STXBP5L: variants seen among roughly 807,000 people sequenced by gnomAD.
STXBP5L encodes syntaxin binding protein 5L, also known as syntaxin-binding protein 5-like.
Under a neutral mutation model 144.5 loss-of-function variants are expected in STXBP5L, and 65 were observed. The ratio of observed to expected loss-of-function variants is 0.45; its 90% CI spans 0.37 to 0.55. The LOEUF (loss-of-function observed/expected upper bound fraction) is 0.55, where lower values mean the gene tolerates loss of function less well. STXBP5L is among the 20% of genes least tolerant of loss of function. The pLI is 0.00. For synonymous variants in STXBP5L, 505 were observed against 469.6 expected (o/e 1.08, Z -0.97); for missense variants, 1,298 against 1,405.5 (o/e 0.92, Z 1.22).
At chr3:121,348,828 T>A (rs1274821330) in intron 20 of STXBP5L, among the ~76,000 whole-genome samples, 2 of 152,046 alleles carry the variant, frequency 1.3e-5, no homozygotes, top group African/African-American at 4.8e-5. Context: ...ATTTATTGCA[T>A]CTATTTGATT....
At chr3:121,201,220 T>A (rs959769516) in intron 9 of STXBP5L, among the ~76,000 whole-genome samples, 1 of 152,246 alleles carries the variant, frequency 6.6e-6, no homozygotes, top group South Asian at 2.1e-4. Context: ...CATATATGTT[T>A]AGGATAGTTA....
chr3:120,937,956 G>T (rs531035496), intron 2 of STXBP5L, among the ~76,000 whole-genome samples: 88 of 152,142 alleles, frequency 5.8e-4, no homozygotes, highest in Middle Eastern at 6.9e-3. Flanking sequence ...TTTTAAAATT[G>T]AGAAGTGTTT....
At chr3:120,914,248 G>C (rs543930410) in intron 2 of STXBP5L, among the ~76,000 whole-genome samples, 13 of 151,928 alleles carry the variant, frequency 8.6e-5, no homozygotes, top group Non-Finnish European at 1.9e-4. Flanking sequence ...ACCAAAAAAA[G>C]AGTAAAATAA....
rs145602553 is a variant in STXBP5L at position 121,157,707 on chromosome 3, G to A, written c.877+80G>A. 3.7e-5 allele frequency: 56 copies of A among 1,519,248 alleles called. No homozygotes were observed. The African/African-American group carries it at 3.8e-4, about 10-fold the overall frequency. The allele number at this position is 1,519,248 out of a possible 1,614,324, so 94.1% of individuals were successfully genotyped here. A position where few individuals can be genotyped will look rare whatever the true frequency, so the allele number is the denominator to read the frequency against. On this transcript the variant is annotated intron_variant, in intron 9 of 26. Transcript: ENST00000471454. ...GAAGTAAGAGAGATGGTATTAATGC[G>A]TTTGGTAGAAAAAAGTAATAGGACA... is the stretch of plus-strand genomic sequence containing the variant.
At chr3:121,275,939 C>T (rs2050868454) in intron 18 of STXBP5L, among the ~76,000 whole-genome samples, 1 of 151,918 alleles carries the variant, frequency 6.6e-6, no homozygotes, top group African/African-American at 2.4e-5. Context: ...TTGGGTCTTA[C>T]TTTTTATCCA....
intron 9 of STXBP5L, among the ~76,000 whole-genome samples, chr3:121,166,730 C>T (rs867060144): frequency 6.6e-6 from 1 of 152,086 alleles, no homozygotes; most frequent in Admixed American, 6.6e-5. Context: ...AATATTAATA[C>T]ATAGAGTAGG....
chr3:121,109,910 A>C (rs1396356472), intron 5 of STXBP5L, among the ~76,000 whole-genome samples: 1 of 152,184 alleles, frequency 6.6e-6, no homozygotes, highest in Non-Finnish European at 1.5e-5. Flanking sequence ...GAGGCATAGA[A>C]ATTTAGGATA....
intron 13 of STXBP5L, among the ~76,000 whole-genome samples, chr3:121,239,645 G>GGGAATT (rs2049599545): frequency 1.4e-5 from 2 of 144,396 alleles, no homozygotes; most frequent in Non-Finnish European, 3.0e-5. Flanking sequence ...ACTCATAGGT[G>GGGAATT]GGAATTGAAC....
chr3:121,049,567 G>C (rs901340782), intron 5 of STXBP5L: 1 of 154,516 alleles, frequency 6.5e-6, no homozygotes, highest in Non-Finnish European at 1.5e-5. Context: ...CTAGAAGCTT[G>C]TCCCAGAAAA....
In STXBP5L at chr3:120,982,654, C is replaced by T. The variant is rs141065266; in HGVS notation, c.287+27617C>T. Among the ~76,000 whole-genome samples the T allele has an allele frequency of 5.8e-4, 88 of 152,290 alleles. No homozygotes were observed. The East Asian group carries it at 9.3e-3, about 16-fold the overall frequency. ...TATCTCAGCTTTGTGGTGTTCCTGG[C>T]CTCCAATGCAGGAACACTGCTGCTT... On this transcript the variant is annotated intron_variant, in intron 3 of 26. Coordinates refer to ENST00000471454, the MANE Select transcript of STXBP5L (RefSeq NM_001308330.2).
At chr3:121,006,318 G>T (rs1045282230) in intron 3 of STXBP5L, among the ~76,000 whole-genome samples, 5 of 151,996 alleles carry the variant, frequency 3.3e-5, no homozygotes, top group Admixed American at 1.3e-4. Context: ...GGCCTTCTTT[G>T]TCTCTTTTGA....
chr3:121,008,483 C>G (rs1038120487), intron 3 of STXBP5L, among the ~76,000 whole-genome samples: 2 of 152,020 alleles, frequency 1.3e-5, no homozygotes, highest in Admixed American at 6.6e-5. Context: ...GAAACCATTT[C>G]TACTTCTACT....
intron 20 of STXBP5L, among the ~76,000 whole-genome samples, chr3:121,370,565 G>A (rs2045999870): frequency 6.6e-6 from 1 of 152,178 alleles, no homozygotes; most frequent in African/African-American, 2.4e-5. Context: ...AGCAGTGTGA[G>A]AATGGACTAA....
intron 10 of STXBP5L, among the ~76,000 whole-genome samples, chr3:121,212,666 C>G (rs922176655): frequency 6.6e-6 from 1 of 152,122 alleles, no homozygotes; most frequent in Admixed American, 6.6e-5. Context: ...CAGCTTTGTT[C>G]TTTTTGCTTA....
chr3:121,225,007 C>A (rs1021939077), intron 11 of STXBP5L, among the ~76,000 whole-genome samples: 5 of 152,086 alleles, frequency 3.3e-5, no homozygotes, highest in African/African-American at 1.2e-4. Context: ...TGCAATGTAA[C>A]CATTCCTATT....
chr3:120,936,678 C>T (rs1395434270), intron 2 of STXBP5L, among the ~76,000 whole-genome samples: 3 of 151,736 alleles, frequency 2.0e-5, no homozygotes, highest in South Asian at 4.2e-4. Flanking sequence ...GGCGTGATCT[C>T]GGTTCACCAC....
At chr3:121,172,046 G>A (rs963887973) in intron 9 of STXBP5L, among the ~76,000 whole-genome samples, 8 of 152,160 alleles carry the variant, frequency 5.3e-5, no homozygotes, top group Non-Finnish European at 1.0e-4. Flanking sequence ...GAAATAGCAC[G>A]ACACATCTAC....
intron 22 of STXBP5L, among the ~76,000 whole-genome samples, chr3:121,402,742 T>A (rs2046909711): frequency 6.6e-6 from 1 of 152,188 alleles, no homozygotes; most frequent in East Asian, 1.9e-4. Context: ...AATCATACTA[T>A]ATTTTCCTAG....
intron 10 of STXBP5L, among the ~76,000 whole-genome samples, chr3:121,214,623 A>C (rs556114170): frequency 2.9e-4 from 44 of 152,250 alleles, no homozygotes; most frequent in Middle Eastern, 3.4e-3. Flanking sequence ...TTTACTTCCA[A>C]TTATGTCATC....
Sources: gnomAD v4.1 joint callset for allele counts (sites outside exome capture counted in the v4.1 genomes callset) on GRCh38, gnomAD v4.1.1 for gene constraint, MANE v1.5 for transcripts, NCBI Gene and HGNC (gene_info 2026-07-23, HGNC 2026-07-21) for gene names.